Variants in LIPH observed in about 807,000 individuals in gnomAD.
The protein encoded by LIPH is lipase H, also known as lipase member H.
A neutral mutation model predicts 47.6 loss-of-function variants in LIPH; 32 were observed. The ratio of observed to expected loss-of-function variants is 0.67; its 90% CI spans 0.51 to 0.90. LIPH has a LOEUF of 0.90. LIPH is among the 40% of genes least tolerant of loss of function. LIPH has a pLI of 0.00. For synonymous variants in LIPH, 190 were observed against 195.6 expected (o/e 0.97, Z 0.24); for missense variants, 497 against 541.4 (o/e 0.92, Z 0.81).
At chr3:185,510,141 G>T (rs1233796442) in intron 9 of LIPH, among the ~76,000 whole-genome samples, 2 of 152,000 alleles carry the variant, frequency 1.3e-5, no homozygotes, top group Non-Finnish European at 1.5e-5. Context: ...TAGAGACGGG[G>T]TTTCACCACA....
At chr3:185,545,473 G>A (rs1322310501) in intron 1 of LIPH, among the ~76,000 whole-genome samples, 1 of 152,162 alleles carries the variant, frequency 6.6e-6, no homozygotes, top group East Asian at 1.9e-4. Context: ...ATTGTCCACG[G>A]CTACTTTCCT....
rs751010107 is a variant in LIPH at position 185,535,042 on chromosome 3, G to A, written c.140C>T (p.Thr47Ile). 5 of 1,613,690 alleles carry A rather than the reference G, an allele frequency of 3.1e-6. No homozygotes were observed. The East Asian group carries it at 1.1e-4, about 36-fold the overall frequency. ...TTGTGCGCAGGTCAGGTTTTTCCTT[G>A]TGTAGAGCATCAGCCTCACATTTAG... ...TGLNVRLMLY[T>I]RKNLTCAQTI... is the part of the protein sequence containing the mutation. The change falls in exon 2 of 10, where the codon ACA becomes ATA. Residue 47 changes from threonine (T) to isoleucine (I), a missense_variant. By Grantham distance (89) the Thr-to-Ile change is moderately conservative (BLOSUM62 -1). Coordinates refer to ENST00000296252, the MANE Select transcript of LIPH (RefSeq NM_139248.3).
At chr3:185,521,033 C>T (rs1350684357) in intron 5 of LIPH, among the ~76,000 whole-genome samples, 1 of 151,934 alleles carries the variant, frequency 6.6e-6, no homozygotes, top group African/African-American at 2.4e-5. Flanking sequence ...CCACTTCCGG[C>T]TAATTTTGTA....
At chr3:185,541,736 TTTTA>T (rs1363186800) in intron 1 of LIPH, among the ~76,000 whole-genome samples, 1 of 147,554 alleles carries the variant, frequency 6.8e-6, no homozygotes, top group Non-Finnish European at 1.5e-5. Flanking sequence ...GTTTTTGGTG[TTTTA>T]TTTATTTATT....
intron 5 of LIPH, among the ~76,000 whole-genome samples, chr3:185,519,818 CAG>C (rs1255317133): frequency 9.7e-6 from 1 of 103,080 alleles, no homozygotes; most frequent in African/African-American, 3.9e-5. Flanking sequence ...GCCTGGGCAA[CAG>C]AGTGACACTC....
In LIPH at chr3:185,519,197, C is replaced by T. The variant is rs751172694; in HGVS notation, c.831G>A (p.Arg277=). 3.1e-6 allele frequency: 5 copies of T among 1,613,954 alleles called. No homozygotes were observed. The South Asian group carries it at 5.5e-5, about 18-fold the overall frequency. ...AYPCDSYQDY[R]NGKCVSCGTS... ...TGCCGCAGCTGACACACTTGCCATTCCTATAATCCTGGTAGGAGTCACAGG... is the reference window on the plus strand; with the variant it reads ...TGCCGCAGCTGACACACTTGCCATTTCTATAATCCTGGTAGGAGTCACAGG... The change falls in exon 6 of 10, where the codon AGG becomes AGA. Residue 277 remains arginine, a synonymous_variant. Coordinates refer to ENST00000296252, the MANE Select transcript of LIPH (RefSeq NM_139248.3).
chr3:185,528,052 G>A (rs371466401), intron 3 of LIPH, among the ~76,000 whole-genome samples: 2 of 151,520 alleles, frequency 1.3e-5, no homozygotes, highest in Non-Finnish European at 2.9e-5. Flanking sequence ...GTGAAATCCC[G>A]TCTCTACAAA....
At chr3:185,525,570 G>GAGTTTGAGACCAGC (rs1720044326) in intron 4 of LIPH, among the ~76,000 whole-genome samples, 1 of 151,228 alleles carries the variant, frequency 6.6e-6, no homozygotes, top group South Asian at 2.1e-4. Flanking sequence ...TTGAGCTCAG[G>GAGTTTGAGACCAGC]AGTTTGAGAC....
chr3:185,538,928 C>CATATATACAT (rs1244134613), intron 1 of LIPH, among the ~76,000 whole-genome samples: 10 of 144,612 alleles, frequency 6.9e-5, no homozygotes, highest in African/African-American at 2.0e-4. Context: ...CACATATACA[C>CATATATACAT]ATATATACAT....
rs1168895157 is a variant in LIPH at position 185,529,132 on chromosome 3, G to A, written c.527-1547C>T. ...GCAGAGGTTGCAGTGAGCCAAGATC[G>A]TGCCACTGCACTCCAGCCTGGGTGA... On this transcript the variant is annotated intron_variant, in intron 3 of 9. Coordinates refer to ENST00000296252, the MANE Select transcript of LIPH (RefSeq NM_139248.3). 5.9e-5 allele frequency among the ~76,000 whole-genome samples: 8 copies of A among 135,210 alleles called. No individual in the cohort carries two copies. The East Asian group carries it at 9.9e-4, about 17-fold the overall frequency. The allele number at this position is 135,210 out of a possible 152,430, so 88.7% of individuals were successfully genotyped here.
rs113519479 is a variant in LIPH at position 185,541,776 on chromosome 3, A to AG, written c.50-6645dup. Among the ~76,000 whole-genome samples the AG allele has an allele frequency of 9.7e-3, 1,445 of 149,162 alleles. 26 individuals are homozygous for AG. Among genetic ancestry groups the AG allele is most frequent in the African/African-American group, 0.034 (1,375 of 40,536 alleles). Reference sequence around the variant, plus strand: ...TATTTATTATTATTTTTTTTTTTAGAGACAGAGTCTCACTCTGTCAACCAG... The same window carrying AG: ...TATTTATTATTATTTTTTTTTTTAGAGGACAGAGTCTCACTCTGTCAACCAG... On this transcript the variant is annotated intron_variant, in intron 1 of 9. Transcript: ENST00000296252.
chr3:185,527,423 C>T, intron 4 of LIPH, 61 bp downstream of exon 4: 1 of 1,128,926 alleles, frequency 8.9e-7, no homozygotes, highest in Non-Finnish European at 1.4e-6. Context: ...ATTATCTCTC[C>T]CCAGGGGACA....
At chr3:185,523,767 G>C (rs1053535128) in intron 5 of LIPH, among the ~76,000 whole-genome samples, 6 of 149,698 alleles carry the variant, frequency 4.0e-5, no homozygotes, top group Non-Finnish European at 7.4e-5. Context: ...TTGTTGCCCA[G>C]GCTGGAGTGC....
At chr3:185,514,274 C>A in intron 8 of LIPH, 136 bp downstream of exon 8, 1 of 664,694 alleles carries the variant, frequency 1.5e-6, no homozygotes, top group Non-Finnish European at 2.7e-6. Context: ...AGCAACTAAG[C>A]AATAGTTCCC....
In LIPH at chr3:185,539,016, G is replaced by C. The variant is rs1456455743; in HGVS notation, c.50-3884C>G. On this transcript the variant is annotated intron_variant, in intron 1 of 9. Transcript: ENST00000296252. ...AGACAGAGTCTTGCTCTGTTGCCAG[G>C]CTGGAGTGCAGTGGTGTGATCTCGG... is the stretch of plus-strand genomic sequence containing the variant. Among the ~76,000 whole-genome samples, 3 of 151,086 alleles carry C rather than the reference G, an allele frequency of 2.0e-5. No homozygotes were observed. In the East Asian group the frequency reaches 5.8e-4, roughly 29 times the overall value.
intron 7 of LIPH, among the ~76,000 whole-genome samples, chr3:185,515,275 A>G (rs996019203): frequency 1.3e-5 from 2 of 152,158 alleles, no homozygotes; most frequent in Non-Finnish European, 2.9e-5. Flanking sequence ...ATCTATACAA[A>G]TGTTACCTGA....
chr3:185,546,381 C>T (rs982394814), intron 1 of LIPH, among the ~76,000 whole-genome samples: 1 of 147,068 alleles, frequency 6.8e-6, no homozygotes, highest in South Asian at 2.2e-4. Context: ...AATTCTAAAG[C>T]TGGGCATGGT....
At position 185,508,749 on chromosome 3, in the gene LIPH, G is replaced by C. The variant is rs1560153039; in HGVS notation, c.*41C>G. On this transcript the variant is annotated 3_prime_UTR_variant, in exon 10 of 10. Transcript: ENST00000296252. ...AGCTTTCAAACAGCCTGTGGTTGTA[G>C]CTTTCTTTCTATTATTTATGGCCAT... The C allele has an allele frequency of 2.2e-6, 3 of 1,378,816 alleles. No homozygotes were observed. The South Asian group carries it at 3.5e-5, about 16-fold the overall frequency. 85.4% of individuals were successfully genotyped at this position (1,378,816 alleles called of 1,614,324 possible). A position where few individuals can be genotyped will look rare whatever the true frequency, so the allele number is the denominator to read the frequency against.
At chr3:185,528,639 C>G (rs2148955677) in intron 3 of LIPH, among the ~76,000 whole-genome samples, 1 of 152,196 alleles carries the variant, frequency 6.6e-6, no homozygotes, top group East Asian at 1.9e-4. Context: ...TTAGCAAGCT[C>G]GGCAGGAGAG....
Sources: allele counts gnomAD v4.1 joint callset (sites outside exome capture counted in the v4.1 genomes callset), GRCh38; gene constraint gnomAD v4.1.1; transcripts MANE v1.5; gene names NCBI Gene and HGNC (gene_info 2026-07-23, HGNC 2026-07-21).